The following AGBL4 variants were observed in gnomAD, a reference collection of about 807,000 sequenced individuals.
AGBL4 encodes AGBL carboxypeptidase 4, also known as cytosolic carboxypeptidase 6.
AGBL4 carries 58 observed loss-of-function variants against 66.4 expected under a neutral mutation model. The observed-to-expected ratio is 0.87, with a 90% CI of 0.71 to 1.09. AGBL4 has a LOEUF of 1.09. Ranked by LOEUF, AGBL4 falls within the 50% of genes least tolerant of loss-of-function variation. AGBL4 has a pLI of 0.00. For missense variants in AGBL4, 579 were observed against 631.0 expected (o/e 0.92, Z 0.88); for synonymous variants, 234 against 222.9 (o/e 1.05, Z -0.44).
rs117783533 is a variant in AGBL4, at chr1:48,581,121, T to C, written c.1267+5883A>G. Among the ~76,000 whole-genome samples, 803 of 152,314 alleles carry C rather than the reference T, an allele frequency of 5.3e-3. 17 individuals carry two copies. The highest frequency in any genetic ancestry group is 0.053 in the South Asian group (254 of 4,818). On this transcript the variant is annotated intron_variant, in intron 11 of 13. Transcript: ENST00000371839. ...TTACCTTTCTCCCTCCCCTCAAAAC[T>C]GTCTTCATCTTGAAAGCAGAGACCA...
intron 3 of AGBL4, among the ~76,000 whole-genome samples, chr1:49,666,590 T>C (rs1558147105): frequency 6.6e-6 from 1 of 151,466 alleles, no homozygotes; most frequent in Non-Finnish European, 1.5e-5. Flanking sequence ...AATAAATATA[T>C]AAATAAAAAT....
intron 8 of AGBL4, among the ~76,000 whole-genome samples, chr1:48,649,737 C>A: frequency 6.6e-6 from 1 of 152,128 alleles, no homozygotes; most frequent in Admixed American, 6.5e-5. Flanking sequence ...TCTCCCTGAC[C>A]AGCCTTCCTA....
intron 6 of AGBL4, among the ~76,000 whole-genome samples, chr1:48,860,360 C>A (rs1161231562): frequency 6.6e-6 from 1 of 152,128 alleles, no homozygotes; most frequent in Non-Finnish European, 1.5e-5. Context: ...GGAGACATCA[C>A]CACAAAGCTC....
intron 4 of AGBL4, among the ~76,000 whole-genome samples, chr1:49,160,597 T>C (rs1646521299): frequency 6.6e-6 from 1 of 152,066 alleles, no homozygotes; most frequent in African/African-American, 2.4e-5. Flanking sequence ...GATCCACTGC[T>C]CTCTTTAGAG....
At chr1:49,956,440 T>A (rs1656611406) in intron 1 of AGBL4, among the ~76,000 whole-genome samples, 1 of 151,848 alleles carries the variant, frequency 6.6e-6, no homozygotes, top group Non-Finnish European at 1.5e-5. Context: ...CATAAAAAAA[T>A]TAATAACTGT....
intron 2 of AGBL4, chr1:49,844,566 C>T (rs1410421920): frequency 2.3e-6 from 2 of 888,266 alleles, no homozygotes; most frequent in African/African-American, 3.5e-5. Flanking sequence ...TTTAAATAGT[C>T]AAAGCCACTT....
chr1:48,793,160 T>G (rs1480222594), intron 6 of AGBL4, among the ~76,000 whole-genome samples: 1 of 152,222 alleles, frequency 6.6e-6, no homozygotes, highest in African/African-American at 2.4e-5. Context: ...CTAGGCCATA[T>G]TCCTTCCAGC....
chr1:48,565,520 A>T (rs1644462890), intron 11 of AGBL4, among the ~76,000 whole-genome samples: 2 of 152,096 alleles, frequency 1.3e-5, no homozygotes, highest in African/African-American at 4.8e-5. Context: ...TGGTTCCTCA[A>T]CTTCTTGTTT....
chr1:48,883,667 C>G (rs922554731), intron 5 of AGBL4, among the ~76,000 whole-genome samples: 11 of 152,272 alleles, frequency 7.2e-5, no homozygotes, highest in African/African-American at 2.6e-4. Flanking sequence ...GAACTGTGTC[C>G]CATTCACCAC....
At chr1:49,333,038 A>G (rs1303947274) in intron 3 of AGBL4, among the ~76,000 whole-genome samples, 1 of 151,982 alleles carries the variant, frequency 6.6e-6, no homozygotes, top group Non-Finnish European at 1.5e-5. Context: ...TTTTTTTCAT[A>G]TGTTTTTTGG....
intron 2 of AGBL4, among the ~76,000 whole-genome samples, chr1:49,731,305 T>A (rs545575334): frequency 6.6e-6 from 1 of 152,300 alleles, no homozygotes; most frequent in South Asian, 2.1e-4. Flanking sequence ...AAACATGCCA[T>A]CTTAATTGCC....
chr1:49,054,510 A>G (rs1219799761), intron 4 of AGBL4, among the ~76,000 whole-genome samples: 1 of 152,032 alleles, frequency 6.6e-6, no homozygotes, highest in Non-Finnish European at 1.5e-5. Context: ...GGTGAAAGCA[A>G]TATACTTGTT....
chr1:49,872,879 G>T (rs1198346661), intron 1 of AGBL4, among the ~76,000 whole-genome samples: 1 of 151,894 alleles, frequency 6.6e-6, no homozygotes, highest in East Asian at 1.9e-4. Flanking sequence ...TTCTAGCCTT[G>T]CCTAATGTTT....
chr1:48,700,196 A>G (rs1646780133), intron 6 of AGBL4, among the ~76,000 whole-genome samples: 1 of 152,186 alleles, frequency 6.6e-6, no homozygotes, highest in African/African-American at 2.4e-5. Flanking sequence ...CACATTGCTC[A>G]TAGGTTCCCT....
intron 11 of AGBL4, among the ~76,000 whole-genome samples, chr1:48,580,185 AG>A (rs917527928): frequency 1.3e-5 from 2 of 152,228 alleles, no homozygotes; most frequent in African/African-American, 4.8e-5. Context: ...CCAGAGGCTT[AG>A]GAAGGAACCA....
At chr1:49,137,042 C>A (rs2148082884) in intron 4 of AGBL4, among the ~76,000 whole-genome samples, 1 of 152,254 alleles carries the variant, frequency 6.6e-6, no homozygotes, top group East Asian at 1.9e-4. Flanking sequence ...TGGACCAATT[C>A]AATGAAATTG....
intron 6 of AGBL4, chr1:48,727,832 G>A (rs951178362): frequency 4.6e-6 from 7 of 1,523,258 alleles, no homozygotes; most frequent in African/African-American, 1.4e-5. Context: ...ACCATCGCTC[G>A]CAAATCACAT....
intron 3 of AGBL4, among the ~76,000 whole-genome samples, chr1:49,274,184 A>G (rs1644118935): frequency 6.6e-6 from 1 of 152,176 alleles, no homozygotes; most frequent in East Asian, 1.9e-4. Flanking sequence ...CTATTTTGAT[A>G]TCAACTGTTT....
At chr1:49,612,440 GA>G (rs1440253942) in intron 3 of AGBL4, among the ~76,000 whole-genome samples, 1 of 152,030 alleles carries the variant, frequency 6.6e-6, no homozygotes, top group Non-Finnish European at 1.5e-5. Context: ...AATGAAAAAT[GA>G]AAAAAATGAA....
Sources: gnomAD v4.1 joint callset for allele counts (sites outside exome capture counted in the v4.1 genomes callset) on GRCh38, gnomAD v4.1.1 for gene constraint, MANE v1.5 for transcripts, NCBI Gene and HGNC (gene_info 2026-07-23, HGNC 2026-07-21) for gene names.